MUC4: variants seen among roughly 807,000 people sequenced by gnomAD.
MUC4 encodes mucin-4.
A neutral mutation model predicts 257.9 loss-of-function variants in MUC4; 202 were observed. The ratio of observed to expected loss-of-function variants is 0.78; its 90% CI spans 0.70 to 0.88. The LOEUF (loss-of-function observed/expected upper bound fraction) is 0.88, where lower values mean the gene tolerates loss of function less well. MUC4 is among the 40% of genes least tolerant of loss of function. The pLI, the probability that MUC4 is intolerant of heterozygous loss-of-function variation, is 0.00. For synonymous variants in MUC4, 2,351 were observed against 2,757.1 expected (o/e 0.85, Z 4.62); for missense variants, 5,976 against 6,513.7 (o/e 0.92, Z 2.84).
rs1732942613 is a variant in MUC4 at position 195,787,950 on chromosome 3, G to A, written c.3630C>T (p.Ser1210=). The A allele has an allele frequency of 8.5e-7, 1 of 1,174,264 alleles. No homozygotes were observed. The highest frequency in any genetic ancestry group is 1.1e-6 in the Non-Finnish European group (1 of 871,932). The allele number at this position is 1,174,264 out of a possible 1,614,324, so 72.7% of individuals were successfully genotyped here. A position where few individuals can be genotyped will look rare whatever the true frequency, so the allele number is the denominator to read the frequency against. The change falls in exon 2 of 25, where the codon TCC becomes TCT. Residue 1210 remains serine, a synonymous_variant. Transcript: ENST00000463781. ...PLLVTDTSSA[S]TGHATPLPVT... ...CAGGAAGAGGGGTGGCGTGTCCTGT[G>A]GATGCTGAGGAAGTGTCGGTGACAA...
chr3:195,776,546 ACACCCATACCTTCCG>A (rs1560286956), intron 3 of MUC4, among the ~76,000 whole-genome samples: 1 of 2,596 alleles, frequency 3.9e-4, no homozygotes, highest in Non-Finnish European at 6.8e-4. Context: ...CATACCTTCC[ACACCCATACCTTCCG>A]CACCCATACC....
chr3:195,768,625 T>C (rs1230726675), intron 7 of MUC4, among the ~76,000 whole-genome samples: 1 of 152,252 alleles, frequency 6.6e-6, no homozygotes, highest in Non-Finnish European at 1.5e-5. Flanking sequence ...AGAATGGGGA[T>C]GATAAATAGT....
At chr3:195,772,552 C>T (rs112964058) in intron 4 of MUC4, among the ~76,000 whole-genome samples, 2 of 132,750 alleles carry the variant, frequency 1.5e-5, no homozygotes, top group African/African-American at 3.2e-5. Flanking sequence ...GGTGTAGACA[C>T]CCTCTCTCCA....
At position 195,748,959 on chromosome 3, in the gene MUC4, CT is replaced by C; in HGVS notation, c.15976del (p.Arg5326GlyfsTer37). The part of the protein sequence containing the change: ...SGFTCVSPCS[R>X]GYCDHGGQCQ... ...CTGGCCTCCATGGTCACAGTAGCCC[CT>C]ACTGCACGGGGACACGCAGGTGAAG... is the stretch of plus-strand genomic sequence containing the variant. On this transcript the variant is annotated frameshift_variant, in exon 24 of 25. Coordinates refer to ENST00000463781, the MANE Select transcript of MUC4 (RefSeq NM_018406.7). LOFTEE classifies it high-confidence loss of function. The C allele has an allele frequency of 6.2e-7, 1 of 1,607,822 alleles. No individual in the cohort carries two copies. The highest frequency in any genetic ancestry group is 8.5e-7 in the Non-Finnish European group (1 of 1,177,192).
In MUC4 at chr3:195,774,273, C is replaced by T. The variant is rs1325847152; in HGVS notation, c.12976G>A (p.Gly4326Arg). 1.4e-5 allele frequency: 23 copies of T among 1,589,240 alleles called. No homozygotes were observed. Among genetic ancestry groups the T allele is most frequent in the South Asian group, 2.3e-5 (2 of 87,522 alleles). ...VSLFPYGAGA[G>R]DLEFVRRTVD... ...GTCCTCCTGACGAACTCCAGGTCCC[C>T]GGCGCCTGCCCCATAGGGGAAGAGG... The change falls in exon 4 of 25, where the codon GGG becomes AGG. Residue 4326 changes from glycine (G) to arginine (R), a missense_variant. Around this residue, in one of 44 missense-constraint regions of MUC4, gnomAD observed 233 missense variants for 171.2 expected, o/e 1.36. Coordinates refer to ENST00000463781, the MANE Select transcript of MUC4 (RefSeq NM_018406.7).
At chr3:195,772,308 G>A (rs1160423350) in intron 4 of MUC4, among the ~76,000 whole-genome samples, 1 of 146,948 alleles carries the variant, frequency 6.8e-6, no homozygotes, top group Non-Finnish European at 1.5e-5. Context: ...TTAGGGGGTG[G>A]AACCCTCTAT....
rs199727799 is a variant in MUC4, at chr3:195,766,693, G to A, written c.13588C>T (p.Arg4530Cys). The A allele has an allele frequency of 3.7e-6, 6 of 1,614,168 alleles. No individual in the cohort carries two copies. The highest frequency in any genetic ancestry group is 2.2e-5 in the East Asian group (1 of 44,884). ...LMSQPVWERYRPDRFLNSNSG... is the reference protein window; with the variant it reads ...LMSQPVWERYCPDRFLNSNSG... ...TTGGAATTCAGGAATCTATCAGGGCGATACCTCTCCCACACTGGCTGGGAC... is the reference window on the plus strand; with the variant it reads ...TTGGAATTCAGGAATCTATCAGGGCAATACCTCTCCCACACTGGCTGGGAC... The change falls in exon 8 of 25, where the codon CGC becomes TGC. Residue 4530 changes from arginine to cysteine, a missense_variant. This residue lies in a region of MUC4 where 996 missense variants were observed against 1,137.3 expected (regional missense o/e 0.88). Coordinates refer to ENST00000463781, the MANE Select transcript of MUC4 (RefSeq NM_018406.7).
rs1273169093 is a variant in MUC4 at position 195,770,289 on chromosome 3, C to T, written c.13325G>A (p.Gly4442Asp). Residue 4442 changes from glycine (G) to aspartate (D), a missense_variant, in exon 6 of 25, where the codon GGC (glycine) becomes GAC (aspartate). Gly to Asp is a moderately conservative substitution (Grantham distance 94, BLOSUM62 -1). Transcript: ENST00000463781. ...SWIRKMTNNG[G>D]YKARWALKVT... ...CTTTAGGGCCCACCTGGCCTTGTAG[C>T]CCCCGTTGTTTGTCATCTTTCTAAT... is the stretch of plus-strand genomic sequence containing the variant. 2 of 1,614,008 alleles carry T rather than the reference C, an allele frequency of 1.2e-6. No homozygotes were observed. Among genetic ancestry groups the T allele is most frequent in the South Asian group, 1.1e-5 (1 of 91,072 alleles).
intron 16 of MUC4, among the ~76,000 whole-genome samples, chr3:195,759,792 G>A (rs912786467): frequency 1.3e-5 from 2 of 152,126 alleles, no homozygotes; most frequent in African/African-American, 4.8e-5. Flanking sequence ...GGTGGCGGGT[G>A]CCTGTAATCT....
chr3:195,757,335 C>G lies in MUC4; in HGVS notation c.14987-7G>C. The G allele has an allele frequency of 1.3e-6, 2 of 1,585,900 alleles. No homozygotes were observed. Among genetic ancestry groups the G allele is most frequent in the African/African-American group, 2.7e-5 (2 of 74,566 alleles). On this transcript the variant is annotated splice_region_variant and splice_polypyrimidine_tract_variant and intron_variant, in intron 17 of 24. Transcript: ENST00000463781. This position sits in a 1 kb window ranked among gnomAD's most constrained non-coding sequence, Gnocchi z 4.8. ...CACAGCAACGTCCCATTCTCTGCCC[C>G]GGGGAAGATGAGAATGTTGAGAGCT...
rs55860315 is a variant in MUC4 at position 195,758,573 on chromosome 3, C to CTTTTTTTT, written c.14986+543_14986+550dup. 8.7e-5 allele frequency among the ~76,000 whole-genome samples: 11 copies of CTTTTTTTT among 126,470 alleles called. 1 individual carries two copies. The highest frequency in any genetic ancestry group is 2.4e-4 in the East Asian group (1 of 4,250). The allele number at this position is 126,470 out of a possible 152,430, so 83.0% of individuals were successfully genotyped here. ...GATTGAGATTAAATGATCTTCAAAT[C>CTTTTTTTT]TTTTTTTTGAGACAGAGTCTCGCTC... On this transcript the variant is annotated intron_variant, in intron 17 of 24. Coordinates refer to ENST00000463781, the MANE Select transcript of MUC4 (RefSeq NM_018406.7).
In MUC4 at chr3:195,781,602, G is replaced by T. The variant is rs1560323143; in HGVS notation, c.9978C>A (p.Ala3326=). 3.5e-6 allele frequency: 2 copies of T among 577,048 alleles called. No individual in the cohort carries two copies. The highest frequency in any genetic ancestry group is 3.1e-5 in the South Asian group (1 of 31,872). 35.7% of individuals were successfully genotyped at this position (577,048 alleles called of 1,614,324 possible). A position where few individuals can be genotyped will look rare whatever the true frequency, so the allele number is the denominator to read the frequency against. Residue 3326 remains alanine (A), a synonymous_variant, in exon 2 of 25, where the codon GCC becomes GCA. Coordinates refer to ENST00000463781, the MANE Select transcript of MUC4 (RefSeq NM_018406.7). ...TDASSASTGH[A]TPLHVTSPSS... Reference sequence around the variant, plus strand: ...AAGGGCTGGTGACATGAAGAGGGGTGGCGTGACCTGTGGATGCTGAGGAAG... The same window carrying T: ...AAGGGCTGGTGACATGAAGAGGGGTTGCGTGACCTGTGGATGCTGAGGAAG...
chr3:195,746,891 T>A lies in MUC4; in HGVS notation c.*285A>T. On this transcript the variant is annotated 3_prime_UTR_variant, in exon 25 of 25. Transcript: ENST00000463781. The stretch of plus-strand genomic sequence containing the variant: ...CATCACCACATTATGAACTCGTGTG[T>A]GTGTGTGTGTGTGTGCACGCGCGCG... 2.8e-6 allele frequency: 1 copy of A among 356,886 alleles called. No homozygotes were observed. Among genetic ancestry groups the A allele is most frequent in the Non-Finnish European group, 5.3e-6 (1 of 186,984 alleles). The allele number at this position is 356,886 out of a possible 1,614,324, so 22.1% of individuals were successfully genotyped here.
rs753083324 is a variant in MUC4, at chr3:195,810,087, C to G, written c.82+1649G>C. The G allele has an allele frequency of 2.0e-5, 3 of 149,090 alleles. No homozygotes were observed. Among genetic ancestry groups the G allele is most frequent in the Non-Finnish European group, 4.4e-5 (3 of 67,492 alleles). 9.2% of individuals were successfully genotyped at this position (149,090 alleles called of 1,614,324 possible). ...CCACGTCCTCACGGTGGGATGAGCA[C>G]TGGAGCGGGGTTGTGTGGCCAGGGT... On this transcript the variant is annotated intron_variant, in intron 1 of 24. Coordinates refer to ENST00000463781, the MANE Select transcript of MUC4 (RefSeq NM_018406.7). The surrounding 1 kb of genome is among the most constrained non-coding windows in gnomAD (Gnocchi z 4.2).
rs747413793 is a variant in MUC4 at position 195,757,291 on chromosome 3, C to T, written c.15024G>A (p.Glu5008=). 1 of 1,610,158 alleles carries T rather than the reference C, an allele frequency of 6.2e-7. No homozygotes were observed. Among genetic ancestry groups the T allele is most frequent in the Non-Finnish European group, 8.5e-7 (1 of 1,176,690 alleles). Residue 5008 remains glutamate (E), a synonymous_variant, in exon 18 of 25, where the codon GAG becomes GAA. Transcript: ENST00000463781. This position sits in a 1 kb window ranked among gnomAD's most constrained non-coding sequence, Gnocchi z 4.8. ...TTGCTAGAATCTCCAGAGTGAATGGCTCCAGCGACTTGGGTGTCCACAGCA... is the reference window on the plus strand; with the variant it reads ...TTGCTAGAATCTCCAGAGTGAATGGTTCCAGCGACTTGGGTGTCCACAGCA... The part of the protein sequence containing the change: ...GTLLWTPKSL[E]PFTLEILARS...
intron 21 of MUC4, 67 bp downstream of exon 21, chr3:195,752,306 T>C: frequency 1.5e-6 from 2 of 1,377,890 alleles, no homozygotes; most frequent in East Asian, 2.3e-5. Context: ...CGCACAGCGA[T>C]GGTTCCGCCC....
Position 195,765,100 on chromosome 3 carries a change from C to T in MUC4, c.13821G>A (p.Arg4607=). 11 of 1,613,504 alleles carry T rather than the reference C, an allele frequency of 6.8e-6. No homozygotes were observed. The highest frequency in any genetic ancestry group is 9.3e-6 in the Non-Finnish European group (11 of 1,179,722). ...VSIGRWGLGS[R]QLCSFTSWRG... is the part of the protein sequence containing the mutation. ...GCCAAGAGGTGAAGCTGCACAGCTGCCTACTGCCGAGGCCCCAGCGACCTG... is the reference window on the plus strand; with the variant it reads ...GCCAAGAGGTGAAGCTGCACAGCTGTCTACTGCCGAGGCCCCAGCGACCTG... Residue 4607 remains arginine, a synonymous_variant, in exon 10 of 25, where the codon AGG becomes AGA. Coordinates refer to ENST00000463781, the MANE Select transcript of MUC4 (RefSeq NM_018406.7).
chr3:195,765,745 C>T (rs1720326299), intron 8 of MUC4, among the ~76,000 whole-genome samples: 1 of 152,252 alleles, frequency 6.6e-6, no homozygotes, highest in Non-Finnish European at 1.5e-5. Flanking sequence ...ATTTTGGAAA[C>T]TATTATTTCT....
At chr3:195,762,581 T>G (rs1446527681) in intron 13 of MUC4, among the ~76,000 whole-genome samples, 6 of 128,896 alleles carry the variant, frequency 4.7e-5, no homozygotes, top group Non-Finnish European at 8.2e-5. Context: ...CACCGGGCCC[T>G]GCACCGCCAC....
Sources: allele counts gnomAD v4.1 joint callset (sites outside exome capture counted in the v4.1 genomes callset), GRCh38; gene constraint gnomAD v4.1.1; regional missense constraint gnomAD v4.1.1; non-coding constraint Gnocchi (gnomAD v3.1); transcripts MANE v1.5; gene names NCBI Gene and HGNC (gene_info 2026-07-23, HGNC 2026-07-21).